The following AP3B2 variants were observed in gnomAD, a reference collection of about 807,000 sequenced individuals.
The protein encoded by AP3B2 is AP-3 complex subunit beta-2.
A neutral mutation model predicts 126.9 loss-of-function variants in AP3B2; 50 were observed. The observed-to-expected ratio is 0.39, with a 90% CI of 0.31 to 0.50. The LOEUF is 0.50. Ranked by LOEUF, AP3B2 falls within the 20% of genes least tolerant of loss-of-function variation. The pLI, the probability that AP3B2 is intolerant of heterozygous loss-of-function variation, is 0.79. For synonymous variants in AP3B2, 541 were observed against 565.0 expected, an observed-to-expected ratio of 0.96 and a Z score of 0.60; for missense variants, 1,177 against 1,426.4, an observed-to-expected ratio of 0.83 and a Z score of 2.82.
At chr15:82,661,778 G>A in intron 25 of AP3B2, 47 bp downstream of exon 25, 1 of 1,491,022 alleles carries the variant, frequency 6.7e-7, no homozygotes, top group Non-Finnish European at 9.2e-7. Flanking sequence ...ACATTCTGGA[G>A]TCAGCTTCTA....
Position 82,676,568 on chromosome 15 carries a change from G to T in AP3B2, c.1558C>A (p.Pro520Thr). Residue 520 changes from proline to threonine, a missense_variant, in exon 14 of 27, where the codon CCT (proline) becomes ACT (threonine). Transcript: ENST00000535359. ...EYCEHVPRIA[P>T]DVLRKMAKSF... ...TTGGCCATTTTTCTTAAGACATCAGGTGCAATCCTGGGGACATGCTCACAG... is the reference window on the plus strand; with the variant it reads ...TTGGCCATTTTTCTTAAGACATCAGTTGCAATCCTGGGGACATGCTCACAG... 6.2e-7 allele frequency: 1 copy of T among 1,614,000 alleles called. No homozygotes were observed.
chr15:82,666,723 G>T (rs895300291), intron 15 of AP3B2, 24 bp downstream of exon 15: 1 of 1,609,298 alleles, frequency 6.2e-7, no homozygotes, highest in Non-Finnish European at 8.5e-7. Context: ...CCCTAGGAAG[G>T]TTACCCTTGA....
At chr15:82,682,200 C>T (rs560736350) in intron 4 of AP3B2, among the ~76,000 whole-genome samples, 6 of 151,754 alleles carry the variant, frequency 4.0e-5, no homozygotes, top group Non-Finnish European at 7.4e-5. Flanking sequence ...TACAGGCGCG[C>T]ACCACCACAC....
Position 82,659,469 on chromosome 15 carries a change from TGAGA to T in AP3B2, c.*87_*90del, listed in dbSNP as rs1045346082. 1.0e-5 allele frequency: 15 copies of T among 1,493,340 alleles called. No homozygotes were observed. The highest frequency in any genetic ancestry group is 4.9e-5 in the South Asian group (4 of 82,364). The allele number at this position is 1,493,340 out of a possible 1,614,324, so 92.5% of individuals were successfully genotyped here. ...ATGCTATCTGGCATGAGGAGGATGA[TGAGA>T]GAGAGAGAGAAAGATGAGAGAGACT... is the stretch of plus-strand genomic sequence containing the variant. On this transcript the variant is annotated 3_prime_UTR_variant, in exon 27 of 27. Coordinates refer to ENST00000535359, the MANE Select transcript of AP3B2 (RefSeq NM_001278512.2).
chr15:82,690,945 G>A (rs1016301765), intron 1 of AP3B2, among the ~76,000 whole-genome samples: 1 of 151,996 alleles, frequency 6.6e-6, no homozygotes, highest in Non-Finnish European at 1.5e-5. Flanking sequence ...CATGAGCCAC[G>A]CTGGGATTAC....
intron 1 of AP3B2, among the ~76,000 whole-genome samples, chr15:82,693,408 G>A (rs7184045): frequency 1.3e-5 from 2 of 150,682 alleles, no homozygotes; most frequent in African/African-American, 2.4e-5. Context: ...CACCACGCTC[G>A]GGTAATTTTT....
intron 1 of AP3B2, chr15:82,708,951 G>A (rs75959419): frequency 0.057 from 8,632 of 152,288 alleles, 347 homozygotes; most frequent in African/African-American, 0.11. Context: ...TTCAGGACTC[G>A]ACACAGTTGG....
At position 82,680,863 on chromosome 15, in the gene AP3B2, T is replaced by A; in HGVS notation, c.745A>T (p.Thr249Ser). Reference sequence around the variant, plus strand: ...TTCTGGGTGGGGCTCAGGAACTGCGTGCGGGCGTAGCGGGTGAGCATGCTG... The same window carrying A: ...TTCTGGGTGGGGCTCAGGAACTGCGAGCGGGCGTAGCGGGTGAGCATGCTG... ...IISMLTRYARTQFLSPTQNES... is the reference protein window; with the variant it reads ...IISMLTRYARSQFLSPTQNES... Residue 249 changes from threonine to serine, a missense_variant, in exon 7 of 27, where the codon ACG becomes TCG. By Grantham distance (58) the Thr-to-Ser change is moderately conservative (BLOSUM62 1). Around this residue, in one of 5 missense-constraint regions of AP3B2, gnomAD observed 103 missense variants for 101.4 expected, o/e 1.02. Coordinates refer to ENST00000535359, the MANE Select transcript of AP3B2 (RefSeq NM_001278512.2). This position sits in a 1 kb window ranked among gnomAD's most constrained non-coding sequence, Gnocchi z 6.1. The A allele has an allele frequency of 1.2e-6, 2 of 1,613,798 alleles. No individual in the cohort carries two copies. Among genetic ancestry groups the A allele is most frequent in the Non-Finnish European group, 1.7e-6 (2 of 1,179,806 alleles).
At chr15:82,678,273 G>A in intron 10 of AP3B2, 106 bp from the exon 11 acceptor site, 1 of 1,073,646 alleles carries the variant, frequency 9.3e-7, no homozygotes, top group Non-Finnish European at 1.4e-6. Flanking sequence ...CCTCATGACA[G>A]CCCTGCATCA....
In AP3B2 at chr15:82,688,952, G is replaced by T. The variant is rs768118062; in HGVS notation, c.265-121C>A. 60 of 1,041,826 alleles carry T rather than the reference G, an allele frequency of 5.8e-5. 1 individual carries two copies. The highest frequency in any genetic ancestry group is 8.3e-5 in the Non-Finnish European group (58 of 702,052). The allele number at this position is 1,041,826 out of a possible 1,614,324, so 64.5% of individuals were successfully genotyped here. A position where few individuals can be genotyped will look rare whatever the true frequency, so the allele number is the denominator to read the frequency against. On this transcript the variant is annotated intron_variant, in intron 3 of 26. Coordinates refer to ENST00000535359, the MANE Select transcript of AP3B2 (RefSeq NM_001278512.2). ...TCCATGGGGACAAACTCTCCCAGTG[G>T]GGGAGAGCACCCCTGAGTGTATCCG...
At position 82,709,868 on chromosome 15, in the gene AP3B2, G is replaced by T; in HGVS notation, c.-162C>A. ...TGTGCAGCGGCGGAGGCTGCGCGCG[G>T]ATTTCTCAATCAGGGCCGCGCGCTG... On this transcript the variant is annotated 5_prime_UTR_variant, in exon 1 of 27. Transcript: ENST00000535359. 1 of 506,488 alleles carries T rather than the reference G, an allele frequency of 2.0e-6. No individual in the cohort carries two copies. The highest frequency in any genetic ancestry group is 3.3e-6 in the Non-Finnish European group (1 of 306,024). 31.4% of individuals were successfully genotyped at this position (506,488 alleles called of 1,614,324 possible). A position where few individuals can be genotyped will look rare whatever the true frequency, so the allele number is the denominator to read the frequency against.
Position 82,665,141 on chromosome 15 carries a change from CAAGGTGGA to C in AP3B2, c.2028+98_2028+105del, listed in dbSNP as rs894307504. 27 of 1,338,716 alleles carry C rather than the reference CAAGGTGGA, an allele frequency of 2.0e-5. No individual in the cohort carries two copies. The African/African-American group carries it at 3.9e-4, about 19-fold the overall frequency. 82.9% of individuals were successfully genotyped at this position (1,338,716 alleles called of 1,614,324 possible). On this transcript the variant is annotated intron_variant, in intron 17 of 26. Coordinates refer to ENST00000535359, the MANE Select transcript of AP3B2 (RefSeq NM_001278512.2). This position sits in a 1 kb window ranked among gnomAD's most constrained non-coding sequence, Gnocchi z 4.4. Reference sequence around the variant, plus strand: ...TGCTCACAGAGGAGCACTGCCAAACCAAGGTGGAAACAGAGTATGGGAAGGCCCAGGAG... The same window carrying C: ...TGCTCACAGAGGAGCACTGCCAAACCAACAGAGTATGGGAAGGCCCAGGAG...
At chr15:82,700,396 G>GGTTTTTTTTTTTTTTTTT (rs1567275643) in intron 1 of AP3B2, among the ~76,000 whole-genome samples, 1 of 11,268 alleles carries the variant, frequency 8.9e-5, no homozygotes, top group East Asian at 0.01. Flanking sequence ...GTGGTGGGTG[G>GGTTTTTTTTTTTTTTTTT]CTTTTTTTTT....
chr15:82,679,756 G>A lies in AP3B2; in HGVS notation c.1155C>T (p.Thr385=), dbSNP rs766997531. Residue 385 remains threonine, a synonymous_variant, in exon 10 of 27, where the codon ACC becomes ACT. Coordinates refer to ENST00000535359, the MANE Select transcript of AP3B2 (RefSeq NM_001278512.2). ...TCAGGATCTTAATCTGGGTGGGGTC[G>A]GTGGACCTGATGTAGAAGCTCTTCA... The part of the protein sequence containing the change: ...PYLKSFYIRS[T]DPTQIKILKL... 3.7e-6 allele frequency: 6 copies of A among 1,613,806 alleles called. No individual in the cohort carries two copies. The Admixed American group carries it at 5.0e-5, about 13-fold the overall frequency.
rs542731611 is a variant in AP3B2 at position 82,704,656 on chromosome 15, G to A, written c.113+4938C>T. ...AACTCACCTGGCAGCCACTCCCAGA[G>A]CCCCTGGAACTCTGGCCCAAGGCTG... On this transcript the variant is annotated intron_variant, in intron 1 of 26. Coordinates refer to ENST00000535359, the MANE Select transcript of AP3B2 (RefSeq NM_001278512.2). Among the ~76,000 whole-genome samples, 35 of 152,362 alleles carry A rather than the reference G, an allele frequency of 2.3e-4. No individual in the cohort carries two copies. In the Middle Eastern group the frequency reaches 0.014, roughly 59 times the overall value.
intron 1 of AP3B2, among the ~76,000 whole-genome samples, chr15:82,703,867 C>CA (rs773145823): frequency 7.2e-5 from 11 of 152,240 alleles, no homozygotes; most frequent in Admixed American, 2.0e-4. Context: ...TCTGACCTCT[C>CA]ACCTAATCCC....
At chr15:82,703,990 C>T (rs984337811) in intron 1 of AP3B2, among the ~76,000 whole-genome samples, 5 of 152,288 alleles carry the variant, frequency 3.3e-5, no homozygotes, top group African/African-American at 1.2e-4. Flanking sequence ...CACACCCAGT[C>T]CGGCTTACAG....
chr15:82,666,521 T>C (rs533341148), intron 15 of AP3B2, among the ~76,000 whole-genome samples: 1 of 152,294 alleles, frequency 6.6e-6, no homozygotes, highest in Admixed American at 6.5e-5. Context: ...AAGTCCATCC[T>C]GGCCAGGAAG....
At chr15:82,682,594 T>C (rs548955811) in intron 4 of AP3B2, among the ~76,000 whole-genome samples, 94 of 152,164 alleles carry the variant, frequency 6.2e-4, no homozygotes, top group African/African-American at 2.2e-3. Flanking sequence ...GTTATGCTTA[T>C]AGTTACAGCT....
Sources: gnomAD v4.1 joint callset for allele counts (sites outside exome capture counted in the v4.1 genomes callset) on GRCh38, gnomAD v4.1.1 for gene constraint, gnomAD v4.1.1 regional missense constraint, Gnocchi (gnomAD v3.1) non-coding constraint, MANE v1.5 for transcripts, NCBI Gene and HGNC (gene_info 2026-07-23, HGNC 2026-07-21) for gene names.